The following CCDC38 variants were observed in gnomAD, a reference collection of about 807,000 sequenced individuals.
The protein encoded by CCDC38 is coiled-coil domain-containing protein 38.
A neutral mutation model predicts 72.8 loss-of-function variants in CCDC38; 69 were observed. The ratio of observed to expected loss-of-function variants is 0.95; its 90% CI spans 0.78 to 1.16. The LOEUF (loss-of-function observed/expected upper bound fraction) is 1.16. Among genes scored for constraint, CCDC38 ranks in the 50% most tolerant of loss-of-function variants. CCDC38 has a pLI of 0.00. For synonymous variants in CCDC38, 201 were observed against 213.2 expected, an observed-to-expected ratio of 0.94 and a Z score of 0.50; for missense variants, 626 against 638.9, an observed-to-expected ratio of 0.98 and a Z score of 0.22.
At chr12:95,878,101 C>G in intron 13 of CCDC38, 110 bp downstream of exon 13, 1 of 1,264,826 alleles carries the variant, frequency 7.9e-7, no homozygotes, top group Non-Finnish European at 1.1e-6. Flanking sequence ...TGTCATCAAT[C>G]TAGGACTTGT....
At chr12:95,883,995 A>G (rs1020149255) in intron 10 of CCDC38, among the ~76,000 whole-genome samples, 2 of 152,232 alleles carry the variant, frequency 1.3e-5, no homozygotes, top group Admixed American at 6.5e-5. Flanking sequence ...GTTATATTTA[A>G]TGGTGAAAAA....
At chr12:95,934,180 A>T (rs2080366861) in intron 2 of CCDC38, 1 of 152,198 alleles carries the variant, frequency 6.6e-6, no homozygotes, top group African/African-American at 2.4e-5. Flanking sequence ...AAAACTATAC[A>T]TACAAATAAA....
At chr12:95,916,404 C>G (rs2080145234) in intron 4 of CCDC38, among the ~76,000 whole-genome samples, 1 of 151,814 alleles carries the variant, frequency 6.6e-6, no homozygotes, top group Admixed American at 6.6e-5. Flanking sequence ...TTCCTTCCTT[C>G]CTTCCTTCCT....
chr12:95,905,804 C>A lies in CCDC38; in HGVS notation c.369+583G>T, dbSNP rs78982720. On this transcript the variant is annotated intron_variant, in intron 5 of 15. Transcript: ENST00000344280. ...CAAATGAATATGCATATAGACATAGCAAATAATCATGTTTTCAGTTATATG... is the reference window on the plus strand; with the variant it reads ...CAAATGAATATGCATATAGACATAGAAAATAATCATGTTTTCAGTTATATG... Among the ~76,000 whole-genome samples, 21 of 152,238 alleles carry A rather than the reference C, an allele frequency of 1.4e-4. No individual in the cohort carries two copies. In the East Asian group the frequency reaches 4.0e-3, roughly 29 times the overall value.
chr12:95,888,759 T>C (rs2079788372), intron 9 of CCDC38, among the ~76,000 whole-genome samples: 1 of 152,184 alleles, frequency 6.6e-6, no homozygotes, highest in African/African-American at 2.4e-5. Flanking sequence ...CAGACTCTTC[T>C]AAATGCCTCA....
chr12:95,869,449 T>TA, intron 15 of CCDC38, 31 bp downstream of exon 15: 2 of 1,509,580 alleles, frequency 1.3e-6, no homozygotes, highest in Non-Finnish European at 9.1e-7. Flanking sequence ...CACATATTGA[T>TA]ATGGCTGGAT....
chr12:95,892,790 C>T (rs1311486688), intron 8 of CCDC38, among the ~76,000 whole-genome samples: 1 of 151,608 alleles, frequency 6.6e-6, no homozygotes, highest in East Asian at 1.9e-4. Flanking sequence ...AGGCTGGTCT[C>T]GAACTCCTGA....
At chr12:95,920,624 C>T (rs564125733) in intron 2 of CCDC38, among the ~76,000 whole-genome samples, 3 of 151,360 alleles carry the variant, frequency 2.0e-5, no homozygotes, top group African/African-American at 7.3e-5. Context: ...TATATGATTC[C>T]ATTTATATAA....
chr12:95,908,970 A>G (rs983016514), intron 4 of CCDC38, among the ~76,000 whole-genome samples: 3 of 152,210 alleles, frequency 2.0e-5, no homozygotes, highest in Admixed American at 2.0e-4. Context: ...CATAAAAACC[A>G]ACAGAATGTG....
intron 5 of CCDC38, chr12:95,903,297 T>C: frequency 1.8e-6 from 1 of 556,494 alleles, no homozygotes. Flanking sequence ...ATAGATTTCT[T>C]CAGATTTTCT....
chr12:95,898,376 C>T lies in CCDC38; in HGVS notation c.614+9G>A, dbSNP rs369504268. On this transcript the variant is annotated intron_variant, in intron 7 of 15. Coordinates refer to ENST00000344280, the MANE Select transcript of CCDC38 (RefSeq NM_182496.3). The stretch of plus-strand genomic sequence containing the variant: ...AATTTGGCCACGAGAAGATTGTGCC[C>T]ACCCTCACCTTTTCACTGCTTGTAC... 1.5e-5 allele frequency: 24 copies of T among 1,613,970 alleles called. No homozygotes were observed. The highest frequency in any genetic ancestry group is 2.2e-5 in the East Asian group (1 of 44,890).
chr12:95,903,646 A>G, intron 5 of CCDC38: 1 of 503,678 alleles, frequency 2.0e-6, no homozygotes, highest in Non-Finnish European at 3.5e-6. Flanking sequence ...AATTGGGATA[A>G]TCATATGGGT....
chr12:95,899,904 G>A (rs1395262040), intron 5 of CCDC38, among the ~76,000 whole-genome samples: 4 of 152,108 alleles, frequency 2.6e-5, no homozygotes, highest in Non-Finnish European at 5.9e-5. Context: ...AAAGCGGGAT[G>A]GGGTGCTGTG....
chr12:95,919,068 A>G (rs2080176097), intron 2 of CCDC38, 92 bp from the exon 3 acceptor site: 4 of 790,082 alleles, frequency 5.1e-6, no homozygotes, highest in African/African-American at 1.7e-5. Context: ...GGTGGAATGA[A>G]TGGGATGCAG....
At chr12:95,884,776 T>C (rs2079738682) in intron 10 of CCDC38, among the ~76,000 whole-genome samples, 1 of 152,274 alleles carries the variant, frequency 6.6e-6, no homozygotes, top group Admixed American at 6.5e-5. Flanking sequence ...CAGTGTCTCT[T>C]CTTTTGTAAG....
At chr12:95,913,163 T>C (rs1020762410) in intron 4 of CCDC38, among the ~76,000 whole-genome samples, 4 of 152,214 alleles carry the variant, frequency 2.6e-5, no homozygotes, top group South Asian at 2.1e-4. Flanking sequence ...GAGGCCCACA[T>C]CTTCCTGGGT....
At chr12:95,927,288 A>G (rs1565966808) in intron 2 of CCDC38, among the ~76,000 whole-genome samples, 2 of 151,880 alleles carry the variant, frequency 1.3e-5, no homozygotes, top group Non-Finnish European at 2.9e-5. Flanking sequence ...TCCCTTTACC[A>G]TTATGTAATG....
At chr12:95,898,795 TTA>T (rs2079921032) in intron 5 of CCDC38, 64 bp from the exon 6 acceptor site, 3 of 1,449,600 alleles carry the variant, frequency 2.1e-6, no homozygotes, top group Non-Finnish European at 2.8e-6. Context: ...TTCAACAGTC[TTA>T]TACACAGCAA....
intron 4 of CCDC38, among the ~76,000 whole-genome samples, chr12:95,910,624 G>C (rs961330016): frequency 1.3e-5 from 2 of 152,184 alleles, no homozygotes; most frequent in Admixed American, 1.3e-4. Context: ...AACTTGGAAA[G>C]GCCAAGGTGG....
Sources: allele counts gnomAD v4.1 joint callset (sites outside exome capture counted in the v4.1 genomes callset), GRCh38; gene constraint gnomAD v4.1.1; transcripts MANE v1.5; gene names NCBI Gene and HGNC (gene_info 2026-07-23, HGNC 2026-07-21).